MCPH1: variants seen among roughly 807,000 people sequenced by gnomAD.
The protein encoded by MCPH1 is microcephalin 1.
Under a neutral mutation model 84.5 loss-of-function variants are expected in MCPH1, and 104 were observed. The ratio of observed to expected loss-of-function variants is 1.23; its 90% CI spans 1.05 to 1.45. The LOEUF (loss-of-function observed/expected upper bound fraction) is 1.45. MCPH1 is among the 40% of genes most tolerant of loss of function. MCPH1 has a pLI of 0.00. For synonymous variants in MCPH1, 514 were observed against 366.8 expected (o/e 1.40, Z -4.58); for missense variants, 1,498 against 1,005.7 (o/e 1.49, Z -6.62).
chr8:6,554,908 G>A (rs1195397660), intron 12 of MCPH1, among the ~76,000 whole-genome samples: 4 of 152,146 alleles, frequency 2.6e-5, no homozygotes, highest in African/African-American at 7.2e-5. Flanking sequence ...AGTGGTGCAA[G>A]GAAGGATTAG....
intron 12 of MCPH1, among the ~76,000 whole-genome samples, chr8:6,604,885 G>A (rs1829640602): frequency 6.6e-6 from 1 of 152,214 alleles, no homozygotes; most frequent in Non-Finnish European, 1.5e-5. Flanking sequence ...TTAGCTGGGG[G>A]GAAATTGAGT....
rs1349321773 is a variant in MCPH1 at position 6,531,671 on chromosome 8, C to G, written c.2214+31742C>G. Among the ~76,000 whole-genome samples the G allele has an allele frequency of 3.3e-5, 5 of 152,308 alleles. No homozygotes were observed. The East Asian group carries it at 9.7e-4, about 29-fold the overall frequency. ...ATCTCACAGTGGAAAGAGAACTTAG[C>G]AATCACTTGTCTGGCCCAACCCTTT... On this transcript the variant is annotated intron_variant, in intron 12 of 13. Coordinates refer to ENST00000344683, the MANE Select transcript of MCPH1 (RefSeq NM_024596.5).
intron 12 of MCPH1, among the ~76,000 whole-genome samples, chr8:6,542,218 A>G (rs537364423): frequency 4.6e-5 from 7 of 152,202 alleles, no homozygotes; most frequent in Non-Finnish European, 7.3e-5. Context: ...GTGTTTTTCT[A>G]TGCCAAATAG....
At chr8:6,416,196 A>G (rs1585603586) in intron 3 of MCPH1, among the ~76,000 whole-genome samples, 2 of 152,168 alleles carry the variant, frequency 1.3e-5, no homozygotes, top group South Asian at 4.1e-4. Flanking sequence ...TGGGTTCCTT[A>G]GCATTTTCTA....
intron 11 of MCPH1, among the ~76,000 whole-genome samples, chr8:6,482,279 T>C (rs932527177): frequency 1.3e-5 from 2 of 152,166 alleles, no homozygotes; most frequent in Non-Finnish European, 2.9e-5. Flanking sequence ...CTGACGTAGC[T>C]AAAATCTATG....
intron 12 of MCPH1, chr8:6,501,459 G>C (rs1340593308): frequency 6.6e-6 from 1 of 151,576 alleles, no homozygotes; most frequent in Non-Finnish European, 1.5e-5. Flanking sequence ...AGTATTAATT[G>C]TACTATGAAA....
chr8:6,414,479 C>T (rs1037855377), intron 2 of MCPH1, among the ~76,000 whole-genome samples: 1 of 152,232 alleles, frequency 6.6e-6, no homozygotes, highest in Non-Finnish European at 1.5e-5. Context: ...GGTGCCTTCT[C>T]ATGGCCACAT....
chr8:6,440,503 G>A (rs1000385042), intron 6 of MCPH1, among the ~76,000 whole-genome samples: 4 of 152,124 alleles, frequency 2.6e-5, no homozygotes, highest in Non-Finnish European at 5.9e-5. Flanking sequence ...AGGAATACAG[G>A]TGTGTGCCAC....
chr8:6,460,549 C>G (rs1806163428), intron 9 of MCPH1, among the ~76,000 whole-genome samples: 1 of 152,072 alleles, frequency 6.6e-6, no homozygotes. Flanking sequence ...AGTTCTCTGT[C>G]AAAATTATTA....
intron 12 of MCPH1, among the ~76,000 whole-genome samples, chr8:6,505,282 A>ATTCT (rs1296464940): frequency 7.9e-4 from 21 of 26,634 alleles, no homozygotes; most frequent in East Asian, 1.7e-3. Flanking sequence ...GTATACATAT[A>ATTCT]TATGTTATAT....
At chr8:6,433,954 G>A (rs561672930) in intron 4 of MCPH1, among the ~76,000 whole-genome samples, 5 of 152,100 alleles carry the variant, frequency 3.3e-5, no homozygotes, top group East Asian at 1.9e-4. Flanking sequence ...GAGCCATTGC[G>A]TTATCTGTTC....
At chr8:6,421,671 C>T (rs552322077) in intron 3 of MCPH1, among the ~76,000 whole-genome samples, 1 of 152,290 alleles carries the variant, frequency 6.6e-6, no homozygotes, top group African/African-American at 2.4e-5. Flanking sequence ...TCAGTGGCTG[C>T]CTCTGTACTA....
chr8:6,619,105 C>T (rs7005662), intron 12 of MCPH1: 34,832 of 152,048 alleles, frequency 0.23, 4,192 homozygotes, highest in Non-Finnish European at 0.28. Context: ...ATTTGTATTG[C>T]GATCACCGTG....
intron 12 of MCPH1, among the ~76,000 whole-genome samples, chr8:6,580,098 C>T (rs528521149): frequency 2.6e-3 from 393 of 152,256 alleles, no homozygotes; most frequent in African/African-American, 9.2e-3. Context: ...AATCCACATG[C>T]GCTGGGACAA....
intron 12 of MCPH1, among the ~76,000 whole-genome samples, chr8:6,566,719 C>T (rs565549472): frequency 6.6e-6 from 1 of 150,624 alleles, no homozygotes; most frequent in Admixed American, 6.6e-5. Flanking sequence ...CGTGTGTGAT[C>T]GGCAAGGCCA....
chr8:6,521,488 C>G (rs1337086441), intron 12 of MCPH1: 1 of 1,034,316 alleles, frequency 9.7e-7, no homozygotes, highest in East Asian at 2.6e-5. Flanking sequence ...TCTACTTCTC[C>G]AAGGTACTCT....
chr8:6,420,295 T>C (rs891200569), intron 3 of MCPH1, among the ~76,000 whole-genome samples: 1 of 152,118 alleles, frequency 6.6e-6, no homozygotes, highest in Non-Finnish European at 1.5e-5. Context: ...GGGTGTCCTC[T>C]TTCTGAGACT....
At chr8:6,639,821 A>T (rs1014449641) in intron 13 of MCPH1, among the ~76,000 whole-genome samples, 2 of 152,138 alleles carry the variant, frequency 1.3e-5, no homozygotes, top group Non-Finnish European at 2.9e-5. Context: ...TAACACATAT[A>T]CAGCTACTTC....
intron 12 of MCPH1, among the ~76,000 whole-genome samples, chr8:6,540,252 C>G (rs946457040): frequency 2.0e-5 from 3 of 152,122 alleles, no homozygotes; most frequent in Non-Finnish European, 4.4e-5. Context: ...TTGTGTGTTT[C>G]CCTTACCACT....
Sources: allele counts gnomAD v4.1 joint callset (sites outside exome capture counted in the v4.1 genomes callset), GRCh38; gene constraint gnomAD v4.1.1; transcripts MANE v1.5; gene names NCBI Gene and HGNC (gene_info 2026-07-23, HGNC 2026-07-21).